The following DNMT1 variants were observed in gnomAD, a reference collection of about 807,000 sequenced individuals.
The protein encoded by DNMT1 is DNA methyltransferase 1.
DNMT1 carries 24 observed loss-of-function variants against 205.3 expected under a neutral mutation model. The observed-to-expected ratio is 0.12, with a 90% CI of 0.08 to 0.16. DNMT1 has a LOEUF of 0.16. Among genes scored for constraint, DNMT1 ranks in the 10% least tolerant of loss-of-function variants. The pLI is 1.00. For missense variants in DNMT1, 1,293 were observed against 2,177.7 expected (o/e 0.59, Z 8.09); for synonymous variants, 817 against 839.8 (o/e 0.97, Z 0.47).
chr19:10,148,292 C>T (rs565178821), intron 27 of DNMT1, among the ~76,000 whole-genome samples: 67 of 150,844 alleles, frequency 4.4e-4, no homozygotes, highest in East Asian at 1.6e-3. Flanking sequence ...GTCAGGAGAT[C>T]GAGACCATCC....
In DNMT1 at chr19:10,194,878, C is replaced by A. The variant is rs1217509888; in HGVS notation, c.22G>T (p.Ala8Ser). 1.2e-6 allele frequency: 2 copies of A among 1,610,488 alleles called. No individual in the cohort carries two copies. The highest frequency in any genetic ancestry group is 3.3e-5 in the Admixed American group (2 of 59,804). The change falls in exon 1 of 41, where the codon GCC becomes TCC. Residue 8 changes from alanine (A) to serine (S), a missense_variant. Physicochemically the swap from Ala to Ser is moderately conservative, Grantham distance 99. Transcript: ENST00000359526. MPARTAPARVPTLAVPAI... is the reference protein window; with the variant it reads MPARTAPSRVPTLAVPAI... The stretch of plus-strand genomic sequence containing the variant: ...GGGACGGCCAGTGTGGGCACCCGGG[C>A]TGGGGCGGTACGCGCCGGCATCTCG...
chr19:10,152,552 G>C (rs965511444), intron 22 of DNMT1, among the ~76,000 whole-genome samples: 17 of 151,888 alleles, frequency 1.1e-4, no homozygotes, highest in African/African-American at 4.1e-4. Context: ...TTGAGTTCAG[G>C]CATTCAAGAC....
intron 1 of DNMT1, 30 bp downstream of exon 1, chr19:10,194,788 CCT>C (rs773334235): frequency 1.7e-5 from 27 of 1,606,796 alleles, no homozygotes; most frequent in Admixed American, 6.7e-5. Flanking sequence ...TGCCTGTCCC[CCT>C]GAGTCCGTGT....
intron 1 of DNMT1, among the ~76,000 whole-genome samples, chr19:10,193,092 T>C (rs961027125): frequency 3.9e-5 from 6 of 152,076 alleles, no homozygotes; most frequent in Middle Eastern, 3.2e-3. Flanking sequence ...TGATGGCTCA[T>C]ACTTGTAATC....
chr19:10,163,387 A>G (rs779287078), intron 11 of DNMT1, 27 bp from the exon 12 acceptor site: 1 of 1,612,604 alleles, frequency 6.2e-7, no homozygotes, highest in Non-Finnish European at 8.5e-7. Context: ...GGGGAGGTAG[A>G]GAGATAAAGA....
intron 1 of DNMT1, among the ~76,000 whole-genome samples, chr19:10,182,391 ATGTG>A (rs1328694591): frequency 7.9e-5 from 7 of 88,624 alleles, no homozygotes; most frequent in South Asian, 4.0e-4. Context: ...ATACATATAT[ATGTG>A]TATATATATA....
Position 10,137,708 on chromosome 19 carries a change from G to A in DNMT1, c.4293+124C>T. 1 of 1,323,716 alleles carries A rather than the reference G, an allele frequency of 7.6e-7. No individual in the cohort carries two copies. Among genetic ancestry groups the A allele is most frequent in the Non-Finnish European group, 1.1e-6 (1 of 947,354 alleles). 82.0% of individuals were successfully genotyped at this position (1,323,716 alleles called of 1,614,324 possible). A position where few individuals can be genotyped will look rare whatever the true frequency, so the allele number is the denominator to read the frequency against. ...GACCAGGGGTCACACAAAGGCTGAG[G>A]ACTCGGGAGGAGGAGCCTGGGATCA... On this transcript the variant is annotated intron_variant, in intron 36 of 40. Transcript: ENST00000359526. The surrounding 1 kb of genome is among the most constrained non-coding windows in gnomAD (Gnocchi z 6.4).
intron 9 of DNMT1, among the ~76,000 whole-genome samples, chr19:10,172,514 CTG>C (rs2038843790): frequency 6.6e-6 from 1 of 151,762 alleles, no homozygotes; most frequent in Non-Finnish European, 1.5e-5. Flanking sequence ...AACTGAAGCT[CTG>C]TGACTAGTTG....
chr19:10,160,260 C>T lies in DNMT1; in HGVS notation c.1043+124G>A, dbSNP rs2145322266. On this transcript the variant is annotated intron_variant, in intron 14 of 40. Coordinates refer to ENST00000359526, the MANE Select transcript of DNMT1 (RefSeq NM_001130823.3). ...CTGACGCACCTTGGTCCTATGTTCA[C>T]CAACCCGATCCAAAATGAGCCTAAG... 8 of 1,541,042 alleles carry T rather than the reference C, an allele frequency of 5.2e-6. No homozygotes were observed. In the South Asian group the frequency reaches 9.2e-5, roughly 18 times the overall value.
chr19:10,149,734 C>T, intron 25 of DNMT1, 77 bp from the exon 26 acceptor site: 2 of 1,609,884 alleles, frequency 1.2e-6, no homozygotes, highest in South Asian at 2.2e-5. Context: ...TGCAGGAGCA[C>T]TCGTCCTTTT....
chr19:10,139,909 A>G (rs2089567845), intron 33 of DNMT1, 92 bp from the exon 34 acceptor site: 7 of 1,572,164 alleles, frequency 4.5e-6, no homozygotes, highest in Non-Finnish European at 6.0e-6. Flanking sequence ...GAATGTTATC[A>G]AAGTCTCTCC....
rs1486893166 is a variant in DNMT1, at chr19:10,154,301, C to T, written c.2011G>A (p.Val671Ile). Residue 671 changes from valine to isoleucine, a missense_variant, in exon 22 of 41, where the codon GTC becomes ATC. Physicochemically the swap from Val to Ile is conservative, Grantham distance 29 (BLOSUM62 3). Transcript: ENST00000359526. The surrounding 1 kb of genome is among the most constrained non-coding windows in gnomAD (Gnocchi z 6.3). Reference protein sequence around the residue: ...ENAFKRRRCGVCEVCQQPECG... With the variant: ...ENAFKRRRCGICEVCQQPECG... Reference sequence around the variant, plus strand: ...CCCACAGGTGAGGTTACCTCACAGACGCCACATCGCCGGCGCTTAAAGGCG... The same window carrying T: ...CCCACAGGTGAGGTTACCTCACAGATGCCACATCGCCGGCGCTTAAAGGCG... 1.2e-5 allele frequency: 19 copies of T among 1,613,952 alleles called. No individual in the cohort carries two copies. The highest frequency in any genetic ancestry group is 2.2e-5 in the East Asian group (1 of 44,894).
At chr19:10,160,450 C>T (rs1207043843) in intron 13 of DNMT1, 32 bp from the exon 14 acceptor site, 14 of 1,612,868 alleles carry the variant, frequency 8.7e-6, no homozygotes, top group Non-Finnish European at 1.2e-5. Context: ...GGATTAAAGG[C>T]TAAGAGAGTG....
At chr19:10,168,149 TAAA>T (rs1320317665) in intron 10 of DNMT1, among the ~76,000 whole-genome samples, 178 bp downstream of exon 10, 2 of 151,848 alleles carry the variant, frequency 1.3e-5, no homozygotes, top group Non-Finnish European at 2.9e-5. Context: ...AAATTAAAGT[TAAA>T]AAAGTTAACT....
At position 10,137,408 on chromosome 19, in the gene DNMT1, GAC is replaced by G. The variant is rs561220532; in HGVS notation, c.4294-130_4294-129del. ...TGGGGCTCACGCCCATCGGGAAAGAGACAGTCAGGGATATCGCACTTGGCTCG... is the reference window on the plus strand; with the variant it reads ...TGGGGCTCACGCCCATCGGGAAAGAGAGTCAGGGATATCGCACTTGGCTCG... On this transcript the variant is annotated intron_variant, in intron 36 of 40. Transcript: ENST00000359526. The surrounding 1 kb of genome is among the most constrained non-coding windows in gnomAD (Gnocchi z 6.4). The G allele has an allele frequency of 1.7e-4, 204 of 1,197,896 alleles. No individual in the cohort carries two copies. The highest frequency in any genetic ancestry group is 2.3e-4 in the Non-Finnish European group (200 of 855,450). 74.2% of individuals were successfully genotyped at this position (1,197,896 alleles called of 1,614,324 possible).
chr19:10,175,742 C>T, intron 6 of DNMT1, 124 bp from the exon 7 acceptor site: 17 of 947,668 alleles, frequency 1.8e-5, no homozygotes, highest in South Asian at 1.5e-4. Flanking sequence ...CTCTGAATGA[C>T]GGGTTTAGAA....
intron 13 of DNMT1, among the ~76,000 whole-genome samples, chr19:10,161,115 G>A (rs1268686318): frequency 3.9e-5 from 6 of 152,030 alleles, no homozygotes; most frequent in African/African-American, 7.2e-5. Flanking sequence ...GACCATCCTC[G>A]CCAAGATGGT....
intron 2 of DNMT1, 117 bp from the exon 3 acceptor site, chr19:10,181,002 C>T: frequency 1.2e-6 from 1 of 813,760 alleles, no homozygotes; most frequent in Admixed American, 2.0e-5. Flanking sequence ...GCAGGCAATG[C>T]TGTCTCAGTC....
At chr19:10,142,291 G>A (rs2089615918) in intron 29 of DNMT1, 71 bp from the exon 30 acceptor site, 1 of 1,605,352 alleles carries the variant, frequency 6.2e-7, no homozygotes. Flanking sequence ...ACAGTACCAT[G>A]TTCCTGGGGT....
Sources: allele counts gnomAD v4.1 joint callset (sites outside exome capture counted in the v4.1 genomes callset), GRCh38; gene constraint gnomAD v4.1.1; non-coding constraint Gnocchi (gnomAD v3.1); transcripts MANE v1.5; gene names NCBI Gene and HGNC (gene_info 2026-07-23, HGNC 2026-07-21).